CDKN2B-AS1: variants seen among roughly 807,000 people sequenced by gnomAD.
CDKN2B-AS1 encodes CDKN2B and CDKN2A antisense cis and trans regulatory RNA 1.
At chr9:22,079,333 C>G (rs1223171686) in intron 4 of CDKN2B-AS1, among the ~76,000 whole-genome samples, 1 of 151,820 alleles carries the variant, frequency 6.6e-6, no homozygotes, top group Non-Finnish European at 1.5e-5. Flanking sequence ...AAAATAAATA[C>G]AAAAATTAGT....
chr9:22,043,927 A>G (rs1412829), intron 1 of CDKN2B-AS1, among the ~76,000 whole-genome samples: 42,435 of 151,872 alleles, frequency 0.28, 7,702 homozygotes, highest in Non-Finnish European at 0.41. Flanking sequence ...ATATTCAAGC[A>G]TGAGGAATGG....
At chr9:22,074,728 C>T (rs961157846) in intron 4 of CDKN2B-AS1, among the ~76,000 whole-genome samples, 3 of 152,082 alleles carry the variant, frequency 2.0e-5, no homozygotes, top group South Asian at 2.1e-4. Context: ...CACTACCTCT[C>T]CTGGGCACTG....
intron 1 of CDKN2B-AS1, among the ~76,000 whole-genome samples, chr9:22,011,168 C>A (rs953853707): frequency 2.6e-5 from 4 of 152,204 alleles, no homozygotes; most frequent in African/African-American, 9.7e-5. Context: ...AGACAGAATT[C>A]TAAAGCTTCA....
intron 4 of CDKN2B-AS1, among the ~76,000 whole-genome samples, chr9:22,067,668 C>G (rs1177807324): frequency 6.6e-6 from 1 of 152,122 alleles, no homozygotes; most frequent in Non-Finnish European, 1.5e-5. Context: ...GTGGTTAGCA[C>G]AGAGCTGGCC....
chr9:22,088,441 GCA>G (rs3222818), intron 4 of CDKN2B-AS1, among the ~76,000 whole-genome samples: 79,038 of 149,702 alleles, frequency 0.53, 20,745 homozygotes, highest in East Asian at 0.69. Flanking sequence ...AAATGTGCAA[GCA>G]CACACACACA....
At chr9:22,115,944 C>T (rs941885522) in intron 4 of CDKN2B-AS1, among the ~76,000 whole-genome samples, 2 of 152,084 alleles carry the variant, frequency 1.3e-5, no homozygotes, top group African/African-American at 4.8e-5. Flanking sequence ...TTTTTTACTC[C>T]TGTTCGGATC....
intron 4 of CDKN2B-AS1, among the ~76,000 whole-genome samples, chr9:22,104,496 A>G (rs1213839410): frequency 6.6e-6 from 1 of 152,176 alleles, no homozygotes; most frequent in East Asian, 1.9e-4. Context: ...CTAGGAAAAG[A>G]GAAAAATTGG....
intron 4 of CDKN2B-AS1, among the ~76,000 whole-genome samples, chr9:22,071,285 C>CTTTTTGTTTTTTTTTTTTT (rs1824278601): frequency 1.5e-5 from 1 of 67,588 alleles, no homozygotes; most frequent in African/African-American, 7.0e-5. Flanking sequence ...AAATATCTAG[C>CTTTTTGTTTTTTTTTTTTT]TTTTTTTTTT....
intron 4 of CDKN2B-AS1, among the ~76,000 whole-genome samples, chr9:22,062,976 G>GGC (rs1554672652): frequency 8.0e-6 from 1 of 125,294 alleles, no homozygotes; most frequent in African/African-American, 3.1e-5. Flanking sequence ...GTGAAAGACA[G>GGC]ACACACACAC....
At chr9:22,118,008 A>T (rs750383017) in intron 4 of CDKN2B-AS1, 1 of 152,364 alleles carries the variant, frequency 6.6e-6, no homozygotes, top group Admixed American at 6.5e-5. Flanking sequence ...GAACTTGCCT[A>T]AAACTGCAGG....
At chr9:22,087,070 G>A (rs1382810544) in intron 4 of CDKN2B-AS1, among the ~76,000 whole-genome samples, 2 of 152,148 alleles carry the variant, frequency 1.3e-5, no homozygotes, top group Admixed American at 6.5e-5. Context: ...CCCCTCCTTA[G>A]CCCCTGTAGT....
intron 1 of CDKN2B-AS1, among the ~76,000 whole-genome samples, chr9:22,014,450 C>T (rs1165831205): frequency 6.6e-6 from 1 of 152,126 alleles, no homozygotes; most frequent in Non-Finnish European, 1.5e-5. Context: ...CAGACATAAG[C>T]CACTGTGCCT....
chr9:22,123,401 T>A (rs2131378400), intron 4 of CDKN2B-AS1, among the ~76,000 whole-genome samples: 1 of 152,322 alleles, frequency 6.6e-6, no homozygotes, highest in South Asian at 2.1e-4. Context: ...AATAAGAATG[T>A]TAAGAGTGGG....
At chr9:22,091,930 G>T (rs1825103346) in intron 4 of CDKN2B-AS1, among the ~76,000 whole-genome samples, 2 of 152,154 alleles carry the variant, frequency 1.3e-5, no homozygotes, top group African/African-American at 4.8e-5. Context: ...TCCAGGTTTT[G>T]CCCATTCAGT....
At chr9:22,030,379 G>A (rs971513178) in intron 1 of CDKN2B-AS1, 2 of 152,048 alleles carry the variant, frequency 1.3e-5, no homozygotes, top group African/African-American at 4.8e-5. Flanking sequence ...TAAGAGTTTG[G>A]GCTAGGAAGA....
At chr9:22,057,112 C>G (rs1823604384) in intron 4 of CDKN2B-AS1, among the ~76,000 whole-genome samples, 2 of 152,058 alleles carry the variant, frequency 1.3e-5, no homozygotes, top group Non-Finnish European at 2.9e-5. Flanking sequence ...ATATTTGCCT[C>G]TGAGTGTATG....
At chr9:22,081,142 T>C (rs963605568) in intron 4 of CDKN2B-AS1, among the ~76,000 whole-genome samples, 1 of 152,240 alleles carries the variant, frequency 6.6e-6, no homozygotes, top group African/African-American at 2.4e-5. Context: ...GTAGCTTATA[T>C]CATAAGTCTA....
intron 1 of CDKN2B-AS1, among the ~76,000 whole-genome samples, chr9:22,016,319 C>G (rs537621127): frequency 6.6e-6 from 1 of 152,156 alleles, no homozygotes; most frequent in South Asian, 2.1e-4. Flanking sequence ...AATGGAAGAA[C>G]ATTCCATGCT....
intron 4 of CDKN2B-AS1, among the ~76,000 whole-genome samples, chr9:22,056,908 G>A (rs1169802101): frequency 1.3e-5 from 2 of 151,834 alleles, no homozygotes; most frequent in Admixed American, 1.3e-4. Context: ...CTCCCTCCTG[G>A]AAATCCTGCT....
Sources: gnomAD v4.1 joint callset for allele counts (sites outside exome capture counted in the v4.1 genomes callset) on GRCh38, gnomAD v4.1.1 for gene constraint, MANE v1.5 for transcripts, NCBI Gene and HGNC (gene_info 2026-07-23, HGNC 2026-07-21) for gene names.